The following ASTN2 variants were observed in gnomAD, a reference collection of about 807,000 sequenced individuals.
ASTN2 encodes the protein astrotactin-2.
In ASTN2, 54 loss-of-function variants were observed where a neutral mutation model predicts 139.8. The observed-to-expected ratio is 0.39, with a 90% CI of 0.31 to 0.48. ASTN2 has a LOEUF of 0.48. ASTN2 is among the 20% of genes least tolerant of loss of function. The pLI is 0.95. For missense variants in ASTN2, 1,565 were observed against 1,725.1 expected, an observed-to-expected ratio of 0.91 and a Z score of 1.64; for synonymous variants, 756 against 719.5, an observed-to-expected ratio of 1.05 and a Z score of -0.81.
intron 2 of ASTN2, among the ~76,000 whole-genome samples, chr9:117,249,540 T>C (rs1179514866): frequency 6.6e-6 from 1 of 152,044 alleles, no homozygotes; most frequent in Non-Finnish European, 1.5e-5. Flanking sequence ...GGCCAACATA[T>C]AAAATTTATA....
chr9:117,105,130 C>G (rs1829072051), intron 4 of ASTN2, among the ~76,000 whole-genome samples: 1 of 152,278 alleles, frequency 6.6e-6, no homozygotes, highest in Admixed American at 6.5e-5. Flanking sequence ...GCCACACCCC[C>G]ATCAAAGGCA....
intron 19 of ASTN2, among the ~76,000 whole-genome samples, chr9:116,574,997 T>C (rs1180334007): frequency 1.3e-5 from 2 of 152,222 alleles, no homozygotes; most frequent in African/African-American, 4.8e-5. Flanking sequence ...TTTGTCTTGG[T>C]GTCTCTTGTC....
At chr9:116,520,946 C>T (rs1348121285) in intron 19 of ASTN2, among the ~76,000 whole-genome samples, 3 of 152,010 alleles carry the variant, frequency 2.0e-5, no homozygotes, top group Non-Finnish European at 4.4e-5. Context: ...GAATACCTAA[C>T]CAAGGATGTG....
intron 10 of ASTN2, among the ~76,000 whole-genome samples, chr9:116,885,150 G>A (rs1386582507): frequency 1.3e-5 from 2 of 152,018 alleles, no homozygotes. Context: ...GTGAAGAGAG[G>A]TTAGTTAATG....
intron 17 of ASTN2, among the ~76,000 whole-genome samples, chr9:116,636,769 G>A (rs1205389135): frequency 6.6e-6 from 1 of 152,190 alleles, no homozygotes; most frequent in African/African-American, 2.4e-5. Flanking sequence ...ATAAGACTGA[G>A]TTGGCTGTGG....
intron 19 of ASTN2, among the ~76,000 whole-genome samples, chr9:116,537,395 G>C (rs1055859340): frequency 1.3e-5 from 2 of 152,186 alleles, no homozygotes; most frequent in Admixed American, 6.5e-5. Flanking sequence ...AATTTACATT[G>C]ATAACTTCAC....
chr9:117,307,463 G>T (rs1401818939), intron 1 of ASTN2, among the ~76,000 whole-genome samples: 1 of 152,192 alleles, frequency 6.6e-6, no homozygotes, highest in Non-Finnish European at 1.5e-5. Context: ...ACGTAAACTT[G>T]CATCCTCATG....
At chr9:117,393,694 T>C (rs1264871389) in intron 1 of ASTN2, among the ~76,000 whole-genome samples, 1 of 152,142 alleles carries the variant, frequency 6.6e-6, no homozygotes, top group Non-Finnish European at 1.5e-5. Context: ...TCCGCTCCTG[T>C]CTCGCAGGGA....
chr9:116,472,900 C>T (rs1221264812), intron 20 of ASTN2, among the ~76,000 whole-genome samples: 9 of 143,730 alleles, frequency 6.3e-5, no homozygotes, highest in Non-Finnish European at 1.3e-4. Context: ...GCACTCCAGC[C>T]TGGGCAACAG....
chr9:117,138,010 T>C (rs1356908949), intron 4 of ASTN2, among the ~76,000 whole-genome samples: 1 of 152,212 alleles, frequency 6.6e-6, no homozygotes, highest in Non-Finnish European at 1.5e-5. Context: ...TCTTGCACCA[T>C]CAATATGAGA....
chr9:117,055,602 C>T (rs1251225498), intron 5 of ASTN2, among the ~76,000 whole-genome samples: 1 of 152,156 alleles, frequency 6.6e-6, no homozygotes, highest in Admixed American at 6.5e-5. Flanking sequence ...ATAAGAATAT[C>T]AGAGGATATT....
chr9:117,299,619 T>C (rs1244128321), intron 1 of ASTN2, among the ~76,000 whole-genome samples: 1 of 152,168 alleles, frequency 6.6e-6, no homozygotes, highest in Non-Finnish European at 1.5e-5. Context: ...GCCACCATTA[T>C]AGAGAGAGGC....
intron 16 of ASTN2, among the ~76,000 whole-genome samples, chr9:116,679,812 T>C (rs1272616253): frequency 2.6e-5 from 4 of 152,190 alleles, no homozygotes; most frequent in Admixed American, 2.0e-4. Flanking sequence ...ATAAAGATGT[T>C]CTTTGAAACC....
chr9:117,340,453 C>T (rs1275545150), intron 1 of ASTN2, among the ~76,000 whole-genome samples: 1 of 151,668 alleles, frequency 6.6e-6, no homozygotes, highest in Non-Finnish European at 1.5e-5. Flanking sequence ...GCCCGGTGCA[C>T]CCTGCTAAAT....
At chr9:117,281,922 C>T (rs144564887) in intron 2 of ASTN2, among the ~76,000 whole-genome samples, 35 of 152,094 alleles carry the variant, frequency 2.3e-4, no homozygotes, top group Admixed American at 3.9e-4. Context: ...CCCGATTGCC[C>T]GCCCTTCACT....
At chr9:117,063,849 G>C (rs527964728) in intron 5 of ASTN2, among the ~76,000 whole-genome samples, 11 of 152,140 alleles carry the variant, frequency 7.2e-5, no homozygotes, top group African/African-American at 9.6e-5. Flanking sequence ...AACCTTACTG[G>C]GGTGTTGTGA....
At chr9:117,116,854 AAAAAAAAAAAAG>A in intron 4 of ASTN2, among the ~76,000 whole-genome samples, 1 of 150,164 alleles carries the variant, frequency 6.7e-6, no homozygotes, top group African/African-American at 2.4e-5. Context: ...AAAAAAAAAA[AAAAAAAAAAAAG>A]GCCTTTCCCA....
chr9:116,698,443 A>G lies in ASTN2; in HGVS notation c.2806+27328T>C. 6.2e-7 allele frequency: 1 copy of G among 1,614,086 alleles called. No individual in the cohort carries two copies. The highest frequency in any genetic ancestry group is 1.3e-5 in the African/African-American group (1 of 75,034). Reference sequence around the variant, plus strand: ...TACCTGCTTAACATTGCAGAGGTGCAGGCTGTGTCTCGCTGTGACTACTTC... The same window carrying G: ...TACCTGCTTAACATTGCAGAGGTGCGGGCTGTGTCTCGCTGTGACTACTTC... On this transcript the variant is annotated intron_variant, in intron 16 of 22. Transcript: ENST00000313400. This position sits in a 1 kb window ranked among gnomAD's most constrained non-coding sequence, Gnocchi z 4.4.
intron 1 of ASTN2, among the ~76,000 whole-genome samples, chr9:117,377,479 A>T (rs1455145329): frequency 6.6e-6 from 1 of 152,172 alleles, no homozygotes; most frequent in Admixed American, 6.5e-5. Context: ...CGTCCCATGC[A>T]TTTGTTGCCA....
Sources: gnomAD v4.1 joint callset for allele counts (sites outside exome capture counted in the v4.1 genomes callset) on GRCh38, gnomAD v4.1.1 for gene constraint, Gnocchi (gnomAD v3.1) non-coding constraint, MANE v1.5 for transcripts, NCBI Gene and HGNC (gene_info 2026-07-23, HGNC 2026-07-21) for gene names.